SLAMF6: variants seen among roughly 807,000 people sequenced by gnomAD.
SLAMF6 encodes SLAM family member 6.
In SLAMF6, 21 loss-of-function variants were observed where a neutral mutation model predicts 38.3. That is an observed-to-expected ratio of 0.55 (90% CI 0.39 to 0.79). The LOEUF (loss-of-function observed/expected upper bound fraction) is 0.79. Ranked by LOEUF, SLAMF6 falls within the 30% of genes least tolerant of loss-of-function variation. The pLI is 0.00. For synonymous variants in SLAMF6, 152 were observed against 146.3 expected (o/e 1.04, Z -0.28); for missense variants, 341 against 385.3 (o/e 0.89, Z 0.96).
chr1:160,486,713 G>A lies in SLAMF6; in HGVS notation c.993C>T (p.Val331=), dbSNP rs149765740. 1,592 of 1,613,702 alleles carry A rather than the reference G, an allele frequency of 9.9e-4. 7 individuals carry two copies. Among genetic ancestry groups the A allele is most frequent in the South Asian group, 1.9e-3 (177 of 91,032 alleles). ...TCTGAGGCCTTTCAGCAACTTACAC[G>A]ACATTGTCAAGGGCAGTTGCCCTGG... The part of the protein sequence containing the change: ...TFSRATALDN[V]V The change falls in exon 8 of 8, where the codon GTC becomes GTT. Residue 331 remains valine, a synonymous_variant. Transcript: ENST00000368057.
At chr1:160,512,860 A>G (rs7519809) in intron 1 of SLAMF6, among the ~76,000 whole-genome samples, 129,775 of 152,198 alleles carry the variant, frequency 0.85, 55,995 homozygotes, top group Non-Finnish European at 0.93. Flanking sequence ...CCATCCAAAG[A>G]TCAGCAGACT....
At chr1:160,515,076 T>C (rs1340862387) in intron 1 of SLAMF6, among the ~76,000 whole-genome samples, 1 of 152,124 alleles carries the variant, frequency 6.6e-6, no homozygotes, top group Non-Finnish European at 1.5e-5. Context: ...AATCTGGTTT[T>C]TTGAAAAACT....
At position 160,515,719 on chromosome 1, in the gene SLAMF6, G is replaced by T. The variant is rs1165096139; in HGVS notation, c.49+7425C>A. 2.0e-5 allele frequency among the ~76,000 whole-genome samples: 3 copies of T among 152,256 alleles called. 1 individual carries two copies. The highest frequency in any genetic ancestry group is 4.1e-4 in the South Asian group (2 of 4,822). Reference sequence around the variant, plus strand: ...GTTCAACATATGCAAATCAATAAATGTAATTCATCTCATAAACAGATCTAA... The same window carrying T: ...GTTCAACATATGCAAATCAATAAATTTAATTCATCTCATAAACAGATCTAA... On this transcript the variant is annotated intron_variant, in intron 1 of 7. Transcript: ENST00000368057.
At chr1:160,504,934 A>G (rs1272690160) in intron 1 of SLAMF6, among the ~76,000 whole-genome samples, 2 of 152,198 alleles carry the variant, frequency 1.3e-5, no homozygotes, top group African/African-American at 4.8e-5. Context: ...TGCTGGGTAC[A>G]AGAAGAAAGT....
intron 7 of SLAMF6, 48 bp from the exon 8 acceptor site, chr1:160,486,802 T>G: frequency 6.2e-7 from 1 of 1,603,338 alleles, no homozygotes; most frequent in Admixed American, 1.7e-5. Flanking sequence ...AACTGGAACC[T>G]CAGCCCACCC....
At position 160,496,239 on chromosome 1, in the gene SLAMF6, A is replaced by C. The variant is rs1296790126; in HGVS notation, c.204T>G (p.His68Gln). Residue 68 changes from histidine (H) to glutamine (Q), a missense_variant, in exon 2 of 8, where the codon CAT (histidine) becomes CAG (glutamine). Coordinates refer to ENST00000368057, the MANE Select transcript of SLAMF6 (RefSeq NM_001184714.2). The part of the protein sequence containing the change: ...NETSLAFIVP[H>Q]ETKSPEIHVT... ...CGTGGATTTCTGGACTTTTGGTTTC[A>C]TGGGGTACTATGAAGGCAAGAGATG... 6.2e-7 allele frequency: 1 copy of C among 1,613,872 alleles called. No individual in the cohort carries two copies. The highest frequency in any genetic ancestry group is 1.1e-5 in the South Asian group (1 of 91,072).
chr1:160,486,360 A>AGG lies in SLAMF6; in HGVS notation c.*345_*346dup. On this transcript the variant is annotated 3_prime_UTR_variant, in exon 8 of 8. Transcript: ENST00000368057. The stretch of plus-strand genomic sequence containing the variant: ...TAAGTCAATCCTGCTGCTTTCTAAA[A>AGG]GGAGAGAAGTGGTTGTCTTCTGGAT... 1 of 245,172 alleles carries AGG rather than the reference A, an allele frequency of 4.1e-6. No individual in the cohort carries two copies. The highest frequency in any genetic ancestry group is 8.0e-6 in the Non-Finnish European group (1 of 124,976). The allele number at this position is 245,172 out of a possible 1,614,324, so 15.2% of individuals were successfully genotyped here. A position where few individuals can be genotyped will look rare whatever the true frequency, so the allele number is the denominator to read the frequency against.
intron 2 of SLAMF6, among the ~76,000 whole-genome samples, chr1:160,494,689 G>C (rs1653480149): frequency 6.6e-6 from 1 of 152,138 alleles, no homozygotes; most frequent in Non-Finnish European, 1.5e-5. Flanking sequence ...CCTGACTATG[G>C]AGGTAGAGAT....
At chr1:160,506,697 A>G (rs1234800699) in intron 1 of SLAMF6, among the ~76,000 whole-genome samples, 1 of 152,164 alleles carries the variant, frequency 6.6e-6, no homozygotes, top group East Asian at 1.9e-4. Context: ...AATGAGTAAA[A>G]CAATAATTAT....
chr1:160,512,400 T>C (rs1049299034), intron 1 of SLAMF6, among the ~76,000 whole-genome samples: 1 of 152,214 alleles, frequency 6.6e-6, no homozygotes, highest in Non-Finnish European at 1.5e-5. Flanking sequence ...CTGCGGACTC[T>C]GTGGATCATC....
chr1:160,495,846 G>A (rs1052479817), intron 2 of SLAMF6, among the ~76,000 whole-genome samples: 2 of 152,204 alleles, frequency 1.3e-5, no homozygotes, highest in African/African-American at 4.8e-5. Context: ...TTTTATCGGA[G>A]TGAAGTAATT....
intron 1 of SLAMF6, among the ~76,000 whole-genome samples, chr1:160,508,104 A>G (rs1361601867): frequency 3.3e-5 from 5 of 152,194 alleles, no homozygotes; most frequent in Non-Finnish European, 7.4e-5. Flanking sequence ...TGTAGATTCA[A>G]TGCCATCCCC....
intron 1 of SLAMF6, among the ~76,000 whole-genome samples, chr1:160,506,822 T>C (rs1654211510): frequency 1.3e-5 from 2 of 152,156 alleles, no homozygotes. Context: ...GCTAAGGTAG[T>C]GTGAATTCAA....
Position 160,491,228 on chromosome 1 carries a change from G to A in SLAMF6, c.543C>T (p.Val181=), listed in dbSNP as rs750890392. 8.7e-6 allele frequency: 14 copies of A among 1,613,970 alleles called. No homozygotes were observed. The East Asian group carries it at 2.5e-4, about 28-fold the overall frequency. Residue 181 remains valine (V), a synonymous_variant, in exon 3 of 8, where the codon GTC becomes GTT. Coordinates refer to ENST00000368057, the MANE Select transcript of SLAMF6 (RefSeq NM_001184714.2). The stretch of plus-strand genomic sequence containing the variant: ...CACTGGAAATCCTGGGGTCCCAGGA[G>A]ACAGTGAGGTTTGGCTGACTTGAAA... ...NTLSSQPNLT[V]SWDPRISSEQ... is the part of the protein sequence containing the mutation.
rs375046433 is a variant in SLAMF6, at chr1:160,501,693, C to G, written c.50-5300G>C. Reference sequence around the variant, plus strand: ...ATTATTTGTAATTCTTCCAATAATGCCTTGCTTTTTTTTTTTTTTTGCACT... The same window carrying G: ...ATTATTTGTAATTCTTCCAATAATGGCTTGCTTTTTTTTTTTTTTTGCACT... On this transcript the variant is annotated intron_variant, in intron 1 of 7. Coordinates refer to ENST00000368057, the MANE Select transcript of SLAMF6 (RefSeq NM_001184714.2). Among the ~76,000 whole-genome samples the G allele has an allele frequency of 2.9e-5, 4 of 137,784 alleles. No homozygotes were observed. In the East Asian group the frequency reaches 8.4e-4, roughly 29 times the overall value. The allele number at this position is 137,784 out of a possible 152,430, so 90.4% of individuals were successfully genotyped here.
chr1:160,495,998 T>C lies in SLAMF6; in HGVS notation c.382+63A>G, dbSNP rs769401369. On this transcript the variant is annotated intron_variant, in intron 2 of 7. Coordinates refer to ENST00000368057, the MANE Select transcript of SLAMF6 (RefSeq NM_001184714.2). The stretch of plus-strand genomic sequence containing the variant: ...GCGACAGTGCACATTTGAAGTCACA[T>C]AGGATTGGAATACATGTATATTTTT... 3.8e-4 allele frequency: 547 copies of C among 1,443,890 alleles called. 2 individuals carry two copies. Among genetic ancestry groups the C allele is most frequent in the Non-Finnish European group, 4.9e-4 (514 of 1,050,000 alleles). 89.4% of individuals were successfully genotyped at this position (1,443,890 alleles called of 1,614,324 possible).
At position 160,496,083 on chromosome 1, in the gene SLAMF6, G is replaced by A; in HGVS notation, c.360C>T (p.Ser120=). ...QISTKTSAKL[S]SYTLRILRQL... ...TACTTAATATCCTCAGAGTGTAACT[G>A]GACAGCTTTGCAGAGGTCTTTGTGG... The change falls in exon 2 of 8, where the codon TCC becomes TCT. Residue 120 remains serine, a synonymous_variant. Coordinates refer to ENST00000368057, the MANE Select transcript of SLAMF6 (RefSeq NM_001184714.2). 1 of 1,613,390 alleles carries A rather than the reference G, an allele frequency of 6.2e-7. No homozygotes were observed. The highest frequency in any genetic ancestry group is 8.5e-7 in the Non-Finnish European group (1 of 1,179,570).
At position 160,496,290 on chromosome 1, in the gene SLAMF6, G is replaced by A; in HGVS notation, c.153C>T (p.Asn51=). The part of the protein sequence containing the change: ...PLEFPAGEKV[N]FITWLFNETS... ...TTTCATTGAAAAGCCAAGTGATGAA[G>A]TTGACCTTCTCTCCTGCAGGAAACT... The change falls in exon 2 of 8, where the codon AAC becomes AAT. Residue 51 remains asparagine, a synonymous_variant. Coordinates refer to ENST00000368057, the MANE Select transcript of SLAMF6 (RefSeq NM_001184714.2). 1 of 1,614,012 alleles carries A rather than the reference G, an allele frequency of 6.2e-7. No homozygotes were observed. The highest frequency in any genetic ancestry group is 8.5e-7 in the Non-Finnish European group (1 of 1,179,920).
At position 160,489,126 on chromosome 1, in the gene SLAMF6, T is replaced by A; in HGVS notation, c.841A>T (p.Asn281Tyr). Residue 281 changes from asparagine to tyrosine, a missense_variant, in exon 6 of 8, where the codon AAC (asparagine) becomes TAC (tyrosine). Transcript: ENST00000368057. Reference protein sequence around the residue: ...NLEYVSVSPTNNTVYASVTHS... With the variant: ...NLEYVSVSPTYNTVYASVTHS... Reference sequence around the variant, plus strand: ...GTGACTGAAGCATACACAGTGTTGTTCGTTGGAGACACTGAAACATACTCT... The same window carrying A: ...GTGACTGAAGCATACACAGTGTTGTACGTTGGAGACACTGAAACATACTCT... 6.2e-7 allele frequency: 1 copy of A among 1,613,910 alleles called. No homozygotes were observed. The highest frequency in any genetic ancestry group is 8.5e-7 in the Non-Finnish European group (1 of 1,179,854).
Sources: allele counts gnomAD v4.1 joint callset (sites outside exome capture counted in the v4.1 genomes callset), GRCh38; gene constraint gnomAD v4.1.1; transcripts MANE v1.5; gene names NCBI Gene and HGNC (gene_info 2026-07-23, HGNC 2026-07-21).